Variants in MLLT3 observed in about 807,000 individuals in gnomAD.
MLLT3 encodes MLLT3 super elongation complex subunit.
In MLLT3, 4 loss-of-function variants were observed where a neutral mutation model predicts 53.2. That is an observed-to-expected ratio of 0.08 (90% CI 0.04 to 0.17). The LOEUF is 0.17. MLLT3 is among the 10% of genes least tolerant of loss of function. The pLI, the probability that MLLT3 is intolerant of heterozygous loss-of-function variation, is 1.00. For synonymous variants in MLLT3, 283 were observed against 230.6 expected (o/e 1.23, Z -2.06); for missense variants, 569 against 684.0 (o/e 0.83, Z 1.87).
In MLLT3 at chr9:20,554,213, T is replaced by C. The variant is rs562098861; in HGVS notation, c.193+66441A>G. On this transcript the variant is annotated intron_variant, in intron 2 of 10. Transcript: ENST00000380338. ...TTCAATCAAACCAATTCCACTTCCT[T>C]ACCCAAAAACTTAATTTCCTGTACA... Among the ~76,000 whole-genome samples, 44 of 152,280 alleles carry C rather than the reference T, an allele frequency of 2.9e-4. No homozygotes were observed. In the South Asian group the frequency reaches 6.8e-3, roughly 24 times the overall value.
rs924189155 is a variant in MLLT3 at position 20,455,176 on chromosome 9, G to T, written c.276+1528C>A. On this transcript the variant is annotated intron_variant, in intron 3 of 10. Transcript: ENST00000380338. The stretch of plus-strand genomic sequence containing the variant: ...AAATACATCTCGACAAATTTGATTT[G>T]ATGACAAATATGTCAACGATTCAGT... Among the ~76,000 whole-genome samples the T allele has an allele frequency of 2.6e-5, 4 of 152,194 alleles. No homozygotes were observed. The East Asian group carries it at 7.7e-4, about 29-fold the overall frequency.
At chr9:20,469,777 T>A (rs1167074043) in intron 2 of MLLT3, among the ~76,000 whole-genome samples, 11 of 151,590 alleles carry the variant, frequency 7.3e-5, no homozygotes, top group Non-Finnish European at 1.2e-4. Context: ...TAACTTTCAC[T>A]GAGTCTGTTT....
intron 2 of MLLT3, among the ~76,000 whole-genome samples, chr9:20,534,369 T>C (rs1465156496): frequency 6.6e-6 from 1 of 152,196 alleles, no homozygotes; most frequent in African/African-American, 2.4e-5. Context: ...TAAATAGTGA[T>C]CCTATGGCCC....
chr9:20,475,501 T>C lies in MLLT3; in HGVS notation c.194-18715A>G, dbSNP rs546214467. On this transcript the variant is annotated intron_variant, in intron 2 of 10. Transcript: ENST00000380338. ...AAATATTTAAAATTTTGTTAACATA[T>C]AAAGTTTCATACAACTGTCTACTAT... is the stretch of plus-strand genomic sequence containing the variant. Among the ~76,000 whole-genome samples the C allele has an allele frequency of 3.3e-5, 5 of 152,228 alleles. No homozygotes were observed. The South Asian group carries it at 8.3e-4, about 25-fold the overall frequency.
At chr9:20,434,036 G>A (rs1586946380) in intron 4 of MLLT3, among the ~76,000 whole-genome samples, 1 of 151,962 alleles carries the variant, frequency 6.6e-6, no homozygotes, top group Admixed American at 6.6e-5. Context: ...CAGCAGAATC[G>A]CTTGAATCTG....
chr9:20,499,397 A>G (rs1444247288), intron 2 of MLLT3, among the ~76,000 whole-genome samples: 1 of 152,218 alleles, frequency 6.6e-6, no homozygotes, highest in Admixed American at 6.5e-5. Context: ...CAGGGAGGCT[A>G]TGCATGTGTG....
chr9:20,463,900 G>C (rs1358066727), intron 2 of MLLT3, among the ~76,000 whole-genome samples: 1 of 151,980 alleles, frequency 6.6e-6, no homozygotes, highest in Non-Finnish European at 1.5e-5. Flanking sequence ...AAGTAACTAA[G>C]AACTGTTCCC....
intron 2 of MLLT3, among the ~76,000 whole-genome samples, chr9:20,457,192 C>G (rs1017426121): frequency 1.2e-4 from 18 of 151,604 alleles, no homozygotes; most frequent in African/African-American, 4.4e-4. Context: ...GCAAATCACT[C>G]CCCACCTTAA....
rs766996539 is a variant in MLLT3, at chr9:20,602,338, G to C, written c.193+18316C>G. Among the ~76,000 whole-genome samples, 116 of 152,074 alleles carry C rather than the reference G, an allele frequency of 7.6e-4. 2 individuals are homozygous for C. Among genetic ancestry groups the C allele is most frequent in the Non-Finnish European group, 1.2e-4 (8 of 67,990 alleles). On this transcript the variant is annotated intron_variant, in intron 2 of 10. Transcript: ENST00000380338. ...TCTTAAGCACATAAATAACTATACAGCATAGTATTTATTCAATGTAGCAAA... is the reference window on the plus strand; with the variant it reads ...TCTTAAGCACATAAATAACTATACACCATAGTATTTATTCAATGTAGCAAA...
At position 20,448,078 on chromosome 9, in the gene MLLT3, G is replaced by C; in HGVS notation, c.420+45C>G. ...TTTGTTTGTTTTTTTTTTTGTTGTTGTTGTTTTTTAATAGGAATGCTTTTC... is the reference window on the plus strand; with the variant it reads ...TTTGTTTGTTTTTTTTTTTGTTGTTCTTGTTTTTTAATAGGAATGCTTTTC... On this transcript the variant is annotated intron_variant, in intron 4 of 10. Transcript: ENST00000380338. This position sits in a 1 kb window ranked among gnomAD's most constrained non-coding sequence, Gnocchi z 4.0. 6.5e-7 allele frequency: 1 copy of C among 1,534,968 alleles called. No homozygotes were observed. Among genetic ancestry groups the C allele is most frequent in the Non-Finnish European group, 8.8e-7 (1 of 1,137,998 alleles).
At chr9:20,579,266 G>A (rs1450329358) in intron 2 of MLLT3, among the ~76,000 whole-genome samples, 1 of 151,914 alleles carries the variant, frequency 6.6e-6, no homozygotes, top group African/African-American at 2.4e-5. Context: ...AGCTACTCTG[G>A]AGGCTCAATG....
At chr9:20,396,617 C>T (rs1056134466) in intron 5 of MLLT3, among the ~76,000 whole-genome samples, 1 of 152,052 alleles carries the variant, frequency 6.6e-6, no homozygotes, top group African/African-American at 2.4e-5. Flanking sequence ...GCTATGGTTC[C>T]AAGCAGATTC....
At chr9:20,347,912 A>G (rs1165058429) in intron 10 of MLLT3, among the ~76,000 whole-genome samples, 2 of 152,224 alleles carry the variant, frequency 1.3e-5, no homozygotes, top group Non-Finnish European at 2.9e-5. Context: ...TGAAACTTTT[A>G]ACCTTCTCTT....
chr9:20,560,507 T>G (rs1341379285), intron 2 of MLLT3, among the ~76,000 whole-genome samples: 1 of 152,172 alleles, frequency 6.6e-6, no homozygotes, highest in African/African-American at 2.4e-5. Flanking sequence ...GTTCCTGCTC[T>G]TTGGAGCTAG....
chr9:20,384,943 G>C (rs1821997159), intron 5 of MLLT3, among the ~76,000 whole-genome samples: 1 of 152,032 alleles, frequency 6.6e-6, no homozygotes, highest in Admixed American at 6.6e-5. Context: ...TTATGTGGTG[G>C]TCTAGATTAT....
chr9:20,358,444 C>T (rs933599607), intron 8 of MLLT3, among the ~76,000 whole-genome samples: 43 of 152,150 alleles, frequency 2.8e-4, no homozygotes, highest in African/African-American at 7.2e-4. Context: ...CAAATAAACA[C>T]GCCAAGGAAC....
chr9:20,586,151 T>G (rs1265235851), intron 2 of MLLT3, among the ~76,000 whole-genome samples: 1 of 151,830 alleles, frequency 6.6e-6, no homozygotes, highest in Non-Finnish European at 1.5e-5. Flanking sequence ...GCTTCATCTC[T>G]ACAAAAAAAA....
chr9:20,597,025 T>C (rs370010377), intron 2 of MLLT3, among the ~76,000 whole-genome samples: 1 of 152,226 alleles, frequency 6.6e-6, no homozygotes, highest in East Asian at 1.9e-4. Flanking sequence ...AATGTGTTCC[T>C]AAGTATTTTA....
chr9:20,417,220 T>A (rs1039274971), intron 4 of MLLT3, among the ~76,000 whole-genome samples: 3 of 147,252 alleles, frequency 2.0e-5, no homozygotes, highest in Admixed American at 6.8e-5. Flanking sequence ...TATGGGGGTC[T>A]TGTCACCAGT....
Sources: allele counts gnomAD v4.1 joint callset (sites outside exome capture counted in the v4.1 genomes callset), GRCh38; gene constraint gnomAD v4.1.1; non-coding constraint Gnocchi (gnomAD v3.1); transcripts MANE v1.5; gene names NCBI Gene and HGNC (gene_info 2026-07-23, HGNC 2026-07-21).